The following DDC variants were observed in gnomAD, a reference collection of about 807,000 sequenced individuals.
DDC encodes aromatic-L-amino-acid decarboxylase.
DDC carries 43 observed loss-of-function variants against 60.0 expected under a neutral mutation model. The observed-to-expected ratio is 0.72, with a 90% CI of 0.56 to 0.92. The LOEUF is 0.92. DDC is among the 40% of genes least tolerant of loss of function. The probability of loss-of-function intolerance (pLI) is 0.00; values close to 1 mark genes in which losing one functional copy is unlikely to be tolerated. For synonymous variants in DDC, 232 were observed against 234.6 expected (o/e 0.99, Z 0.10); for missense variants, 573 against 620.2 (o/e 0.92, Z 0.81).
intron 9 of DDC, chr7:50,492,803 C>G: frequency 6.8e-7 from 1 of 1,476,242 alleles, no homozygotes; most frequent in Non-Finnish European, 9.0e-7. Context: ...GAACTGAACC[C>G]CGAGCGCCGG....
intron 6 of DDC, among the ~76,000 whole-genome samples, chr7:50,510,281 G>T (rs1027330968): frequency 7.2e-5 from 11 of 151,884 alleles, no homozygotes; most frequent in African/African-American, 2.7e-4. Flanking sequence ...GGCCACTTAT[G>T]TATCTTACTT....
chr7:50,477,789 T>C lies in DDC; in HGVS notation c.1022-1146A>G, dbSNP rs1274080651. Among the ~76,000 whole-genome samples the C allele has an allele frequency of 1.1e-4, 16 of 152,238 alleles. No homozygotes were observed. In the East Asian group the frequency reaches 3.1e-3, roughly 29 times the overall value. On this transcript the variant is annotated intron_variant, in intron 10 of 14. Coordinates refer to ENST00000444124, the MANE Select transcript of DDC (RefSeq NM_001082971.2). ...TCCTTTACGACACATGGCCTCTCAT[T>C]AGTAAGGGAGCTTGTTAAACAAACA... is the stretch of plus-strand genomic sequence containing the variant.
intron 10 of DDC, 41 bp from the exon 11 acceptor site, chr7:50,476,684 A>T: frequency 6.3e-7 from 1 of 1,585,176 alleles, no homozygotes; most frequent in East Asian, 2.2e-5. Context: ...AAATCGTTAG[A>T]CAGGTTTGTT....
intron 6 of DDC, among the ~76,000 whole-genome samples, chr7:50,527,287 C>T (rs1408796099): frequency 6.6e-6 from 1 of 152,128 alleles, no homozygotes; most frequent in Non-Finnish European, 1.5e-5. Context: ...AAAATACAAT[C>T]TTAACATTTT....
chr7:50,478,672 G>A (rs533197234), intron 10 of DDC, among the ~76,000 whole-genome samples: 3 of 152,284 alleles, frequency 2.0e-5, no homozygotes, highest in Non-Finnish European at 4.4e-5. Context: ...AAACCTCTTA[G>A]CCAGTAGTTT....
At chr7:50,482,514 C>T (rs1379390890) in intron 9 of DDC, among the ~76,000 whole-genome samples, 1 of 152,174 alleles carries the variant, frequency 6.6e-6, no homozygotes, top group African/African-American at 2.4e-5. Context: ...TACATGAGTT[C>T]AGTCGTGGTT....
At chr7:50,487,179 C>T (rs1163558857) in intron 9 of DDC, among the ~76,000 whole-genome samples, 1 of 152,024 alleles carries the variant, frequency 6.6e-6, no homozygotes, top group Non-Finnish European at 1.5e-5. Flanking sequence ...ATTAATTGGC[C>T]TAAAGAAAAG....
chr7:50,544,660 C>T (rs2044743780), intron 1 of DDC, among the ~76,000 whole-genome samples: 1 of 152,136 alleles, frequency 6.6e-6, no homozygotes, highest in Non-Finnish European at 1.5e-5. Context: ...TGCACCTTTA[C>T]GCACCATCTG....
chr7:50,561,211 C>T (rs1482851723), intron 1 of DDC: 2 of 152,136 alleles, frequency 1.3e-5, no homozygotes, highest in South Asian at 2.1e-4. Flanking sequence ...CACTCTGCCC[C>T]CAGGGGGAGA....
chr7:50,464,250 G>A lies in DDC; in HGVS notation c.1243-819C>T, dbSNP rs148567668. ...TTCAGAGTGGAGAAGCAGGGAGGATGAGTGGGAAGGAGAGAGTTCTATCCA... is the reference window on the plus strand; with the variant it reads ...TTCAGAGTGGAGAAGCAGGGAGGATAAGTGGGAAGGAGAGAGTTCTATCCA... On this transcript the variant is annotated intron_variant, in intron 13 of 14. Coordinates refer to ENST00000444124, the MANE Select transcript of DDC (RefSeq NM_001082971.2). Among the ~76,000 whole-genome samples, 290 of 152,258 alleles carry A rather than the reference G, an allele frequency of 1.9e-3. 1 individual carries two copies. The highest frequency in any genetic ancestry group is 6.7e-3 in the African/African-American group (278 of 41,542).
At chr7:50,463,707 T>C (rs1393572021) in intron 13 of DDC, among the ~76,000 whole-genome samples, 1 of 151,988 alleles carries the variant, frequency 6.6e-6, no homozygotes, top group Non-Finnish European at 1.5e-5. Context: ...TTAAGGAAAA[T>C]AAGGATCCCT....
chr7:50,491,718 G>A (rs190634506), intron 9 of DDC, among the ~76,000 whole-genome samples: 1 of 152,304 alleles, frequency 6.6e-6, no homozygotes, highest in African/African-American at 2.4e-5. Context: ...ATAAAGAGCT[G>A]ATTTACTGGG....
Position 50,462,364 on chromosome 7 carries a change from C to T in DDC, c.*18+849G>A, listed in dbSNP as rs114812265. Among the ~76,000 whole-genome samples the T allele has an allele frequency of 2.4e-3, 372 of 152,214 alleles. 1 individual carries two copies. Among genetic ancestry groups the T allele is most frequent in the African/African-American group, 8.7e-3 (360 of 41,538 alleles). On this transcript the variant is annotated intron_variant, in intron 14 of 14. Transcript: ENST00000444124. ...CCACAAACATAATTTTAAATACCCT[C>T]CATGTTGCCAACACTGCATTTATTT... is the stretch of plus-strand genomic sequence containing the variant.
chr7:50,537,037 GTT>G (rs10574868), intron 4 of DDC, among the ~76,000 whole-genome samples: 90,585 of 140,462 alleles, frequency 0.64, 29,731 homozygotes, highest in East Asian at 0.77. Context: ...CTAGGAAGTT[GTT>G]TTTTTTTTTT....
intron 6 of DDC, among the ~76,000 whole-genome samples, chr7:50,507,936 G>A (rs2043444534): frequency 6.6e-6 from 1 of 152,220 alleles, no homozygotes; most frequent in South Asian, 2.1e-4. Flanking sequence ...CAAGAGGTGG[G>A]TAATTGTCCC....
chr7:50,500,178 G>A (rs530081559), intron 7 of DDC, among the ~76,000 whole-genome samples: 2 of 152,118 alleles, frequency 1.3e-5, no homozygotes, highest in Middle Eastern at 3.4e-3. Context: ...TCAGGGTACC[G>A]TGGGGTAGGT....
At chr7:50,492,323 C>G (rs2043013866) in intron 9 of DDC, among the ~76,000 whole-genome samples, 1 of 152,232 alleles carries the variant, frequency 6.6e-6, no homozygotes, top group Admixed American at 6.5e-5. Flanking sequence ...CAGATTTCAT[C>G]TATCAACATT....
Position 50,458,484 on chromosome 7 carries a change from A to G in DDC, c.*378T>C, listed in dbSNP as rs1368865343. On this transcript the variant is annotated 3_prime_UTR_variant, in exon 15 of 15. Coordinates refer to ENST00000444124, the MANE Select transcript of DDC (RefSeq NM_001082971.2). ...ATTAGGCATTTAGCCACATGACAAA[A>G]GACAATTTGAAGACCACAGATATAA... The G allele has an allele frequency of 6.6e-6, 1 of 152,262 alleles. No individual in the cohort carries two copies. The highest frequency in any genetic ancestry group is 1.5e-5 in the Non-Finnish European group (1 of 68,048). 9.4% of individuals were successfully genotyped at this position (152,262 alleles called of 1,614,324 possible). A position where few individuals can be genotyped will look rare whatever the true frequency, so the allele number is the denominator to read the frequency against.
intron 9 of DDC, among the ~76,000 whole-genome samples, chr7:50,494,102 G>C (rs1239630238): frequency 6.6e-6 from 1 of 152,052 alleles, no homozygotes; most frequent in Non-Finnish European, 1.5e-5. Flanking sequence ...CTGTATCACT[G>C]CCCATCATCA....
Sources: allele counts gnomAD v4.1 joint callset (sites outside exome capture counted in the v4.1 genomes callset), GRCh38; gene constraint gnomAD v4.1.1; transcripts MANE v1.5; gene names NCBI Gene and HGNC (gene_info 2026-07-23, HGNC 2026-07-21).